The following ATRNL1 variants were observed in gnomAD, a reference collection of about 807,000 sequenced individuals.
The protein encoded by ATRNL1 is attractin like 1.
Under a neutral mutation model 182.7 loss-of-function variants are expected in ATRNL1, and 95 were observed. The observed-to-expected ratio is 0.52, with a 90% CI of 0.44 to 0.62. The LOEUF (loss-of-function observed/expected upper bound fraction) is 0.62. Among genes scored for constraint, ATRNL1 ranks in the 20% least tolerant of loss-of-function variants. ATRNL1 has a pLI of 0.00. For missense variants in ATRNL1, 1,471 were observed against 1,679.5 expected, an observed-to-expected ratio of 0.88 and a Z score of 2.17; for synonymous variants, 576 against 568.3, an observed-to-expected ratio of 1.01 and a Z score of -0.19.
chr10:115,764,185 A>T (rs1261255047), intron 27 of ATRNL1, among the ~76,000 whole-genome samples: 2 of 152,110 alleles, frequency 1.3e-5, no homozygotes, highest in African/African-American at 4.8e-5. Context: ...TTCACAGCAA[A>T]ATTTAGAGGT....
Position 115,696,870 on chromosome 10 carries a change from C to CGAGAGAGAGA in ATRNL1, c.3796-30358_3796-30349dup, listed in dbSNP as rs138252590. On this transcript the variant is annotated intron_variant, in intron 26 of 28. Coordinates refer to ENST00000355044, the MANE Select transcript of ATRNL1 (RefSeq NM_207303.4). Reference sequence around the variant, plus strand: ...CAGGTACAGTCATCACATATCAGAGCGAGAGAGAGAGAGAGAGAGAGAGAG... The same window carrying CGAGAGAGAGA: ...CAGGTACAGTCATCACATATCAGAGCGAGAGAGAGAGAGAGAGAGAGAGAGAGAGAGAGAG... Among the ~76,000 whole-genome samples, 397 of 134,012 alleles carry CGAGAGAGAGA rather than the reference C, an allele frequency of 3.0e-3. 2 individuals carry two copies. Among genetic ancestry groups the CGAGAGAGAGA allele is most frequent in the African/African-American group, 0.011 (376 of 35,592 alleles). The allele number at this position is 134,012 out of a possible 152,430, so 87.9% of individuals were successfully genotyped here. A position where few individuals can be genotyped will look rare whatever the true frequency, so the allele number is the denominator to read the frequency against.
chr10:115,709,667 T>C (rs10885781), intron 26 of ATRNL1, among the ~76,000 whole-genome samples: 57,299 of 151,708 alleles, frequency 0.38, 11,739 homozygotes, highest in East Asian at 0.65. Flanking sequence ...ATTTATAGTA[T>C]AAAGAAGAAG....
intron 16 of ATRNL1, 122 bp downstream of exon 16, chr10:115,300,369 TTCTTCCCCACTTACTATTAG>T: frequency 2.8e-6 from 2 of 702,478 alleles, no homozygotes; most frequent in Non-Finnish European, 4.5e-6. Context: ...TTTATACACA[TTCTTCCCCACTTACTATTAG>T]TGATCTCAGC....
chr10:115,571,152 G>T (rs2065824), intron 26 of ATRNL1, among the ~76,000 whole-genome samples: 101,411 of 151,992 alleles, frequency 0.67, 34,759 homozygotes, highest in Middle Eastern at 0.74. Flanking sequence ...CATGGCAATT[G>T]TTTTAATAGG....
intron 9 of ATRNL1, among the ~76,000 whole-genome samples, chr10:115,241,284 A>T (rs1039152114): frequency 5.3e-5 from 8 of 151,556 alleles, no homozygotes; most frequent in Admixed American, 2.6e-4. Flanking sequence ...CTTGTTTCCT[A>T]TCTTTGTAAA....
intron 19 of ATRNL1, among the ~76,000 whole-genome samples, chr10:115,385,866 A>G (rs994017580): frequency 2.0e-5 from 3 of 152,284 alleles, no homozygotes; most frequent in Admixed American, 2.0e-4. Context: ...AACTAAATTG[A>G]TGGAATATGT....
At chr10:115,191,050 C>A (rs1848150873) in intron 8 of ATRNL1, among the ~76,000 whole-genome samples, 1 of 152,080 alleles carries the variant, frequency 6.6e-6, no homozygotes, top group Non-Finnish European at 1.5e-5. Flanking sequence ...GACAGGATTT[C>A]ATTCTTTTTT....
chr10:115,664,591 A>G (rs1860893418), intron 26 of ATRNL1, among the ~76,000 whole-genome samples: 1 of 152,196 alleles, frequency 6.6e-6, no homozygotes, highest in South Asian at 2.1e-4. Flanking sequence ...AAATTCAGAT[A>G]TAAAATAGTT....
At chr10:115,476,891 T>G (rs2134595754) in intron 24 of ATRNL1, among the ~76,000 whole-genome samples, 1 of 151,600 alleles carries the variant, frequency 6.6e-6, no homozygotes, top group African/African-American at 2.4e-5. Context: ...TTATTTATAT[T>G]TATTGCTTCA....
At chr10:115,535,904 C>T (rs531498184) in intron 25 of ATRNL1, among the ~76,000 whole-genome samples, 44 of 151,994 alleles carry the variant, frequency 2.9e-4, no homozygotes, top group African/African-American at 9.9e-4. Context: ...GTATCAGCAG[C>T]GGTGTCTGCA....
intron 21 of ATRNL1, among the ~76,000 whole-genome samples, chr10:115,451,719 A>C (rs1592678338): frequency 6.6e-6 from 1 of 152,318 alleles, no homozygotes; most frequent in East Asian, 1.9e-4. Flanking sequence ...TCAAAGAGCC[A>C]AAAGCAGAAC....
At chr10:115,617,673 T>C (rs1592954699) in intron 26 of ATRNL1, among the ~76,000 whole-genome samples, 1 of 152,332 alleles carries the variant, frequency 6.6e-6, no homozygotes, top group East Asian at 1.9e-4. Context: ...ACTTTGTTTT[T>C]ATTTTACACA....
At chr10:115,125,175 TTTAC>T (rs1160433933) in intron 3 of ATRNL1, among the ~76,000 whole-genome samples, 2 of 152,206 alleles carry the variant, frequency 1.3e-5, no homozygotes, top group East Asian at 3.9e-4. Context: ...ATCAGTGACA[TTTAC>T]TTAGTGCTCA....
intron 26 of ATRNL1, among the ~76,000 whole-genome samples, chr10:115,648,360 A>G (rs1387829675): frequency 6.6e-6 from 1 of 152,200 alleles, no homozygotes; most frequent in Non-Finnish European, 1.5e-5. Context: ...AATCAATACC[A>G]TGAAAATGGC....
At chr10:115,323,421 TCCC>T (rs1854692166) in intron 18 of ATRNL1, among the ~76,000 whole-genome samples, 1 of 32,342 alleles carries the variant, frequency 3.1e-5, no homozygotes, top group African/African-American at 1.0e-4. Context: ...TCCCCTCCCC[TCCC>T]CTCCCCTCCC....
intron 19 of ATRNL1, among the ~76,000 whole-genome samples, chr10:115,339,342 A>G (rs528645583): frequency 7.5e-4 from 114 of 151,980 alleles, no homozygotes; most frequent in African/African-American, 2.6e-3. Context: ...CTTCCAATCC[A>G]TGAATTGATT....
intron 27 of ATRNL1, among the ~76,000 whole-genome samples, chr10:115,798,922 G>A (rs903084872): frequency 3.8e-4 from 57 of 151,050 alleles, no homozygotes; most frequent in African/African-American, 1.4e-3. Context: ...CGCTTCCTGG[G>A]CTCAAGTGAT....
intron 1 of ATRNL1, among the ~76,000 whole-genome samples, chr10:115,097,296 C>A (rs540687966): frequency 2.0e-5 from 3 of 151,960 alleles, no homozygotes; most frequent in Middle Eastern, 3.4e-3. Flanking sequence ...CCAGTCTGGG[C>A]AAGATAGTGA....
intron 28 of ATRNL1, among the ~76,000 whole-genome samples, chr10:115,937,704 G>A (rs923748765): frequency 6.6e-6 from 1 of 152,178 alleles, no homozygotes; most frequent in South Asian, 2.1e-4. Flanking sequence ...AGCTATATAC[G>A]ATCAGAGGAA....
Sources: gnomAD v4.1 joint callset for allele counts (sites outside exome capture counted in the v4.1 genomes callset) on GRCh38, gnomAD v4.1.1 for gene constraint, MANE v1.5 for transcripts, NCBI Gene and HGNC (gene_info 2026-07-23, HGNC 2026-07-21) for gene names.